FOXJ3: variants seen among roughly 807,000 people sequenced by gnomAD.
The protein encoded by FOXJ3 is forkhead box J3, also known as forkhead box protein J3.
FOXJ3 carries 22 observed loss-of-function variants against 76.1 expected under a neutral mutation model. The observed-to-expected ratio is 0.29, with a 90% CI of 0.21 to 0.41. The LOEUF is 0.41. Among genes scored for constraint, FOXJ3 ranks in the 10% least tolerant of loss-of-function variants. The pLI is 1.00. For synonymous variants in FOXJ3, 269 were observed against 261.2 expected, an observed-to-expected ratio of 1.03 and a Z score of -0.29; for missense variants, 613 against 762.1, an observed-to-expected ratio of 0.80 and a Z score of 2.30.
rs551765267 is a variant in FOXJ3, at chr1:42,274,931, C to T, written c.369+3417G>A. ...GGTCCAAGGAGAAATAAGAAAAAAACAAAAGCAAGAAGGAAATAGATGTGC... is the reference window on the plus strand; with the variant it reads ...GGTCCAAGGAGAAATAAGAAAAAAATAAAAGCAAGAAGGAAATAGATGTGC... On this transcript the variant is annotated intron_variant, in intron 3 of 12. Coordinates refer to ENST00000361346, the MANE Select transcript of FOXJ3 (RefSeq NM_014947.5). Among the ~76,000 whole-genome samples, 5 of 150,366 alleles carry T rather than the reference C, an allele frequency of 3.3e-5. No individual in the cohort carries two copies. The South Asian group carries it at 1.1e-3, about 32-fold the overall frequency.
intron 2 of FOXJ3, among the ~76,000 whole-genome samples, chr1:42,284,813 T>C (rs1365674530): frequency 6.6e-6 from 1 of 152,230 alleles, no homozygotes; most frequent in East Asian, 1.9e-4. Context: ...AAATTTAGCA[T>C]TTCCTTTAAC....
At chr1:42,245,578 C>A (rs994686187) in intron 4 of FOXJ3, among the ~76,000 whole-genome samples, 2 of 152,130 alleles carry the variant, frequency 1.3e-5, no homozygotes, top group African/African-American at 4.8e-5. Context: ...ATCATATGAT[C>A]ATTTCAAGAG....
chr1:42,218,988 C>T lies in FOXJ3; in HGVS notation c.528+8895G>A, dbSNP rs992163529. Among the ~76,000 whole-genome samples the T allele has an allele frequency of 3.9e-5, 6 of 152,340 alleles. No homozygotes were observed. In the East Asian group the frequency reaches 1.2e-3, roughly 29 times the overall value. On this transcript the variant is annotated intron_variant, in intron 5 of 12. Transcript: ENST00000361346. ...CACTTACATTTATATAAAGAAACTA[C>T]AGCCAGAAAAATTAATACATATTCT...
intron 4 of FOXJ3, among the ~76,000 whole-genome samples, chr1:42,248,735 T>C (rs985003879): frequency 7.0e-5 from 10 of 143,758 alleles, no homozygotes; most frequent in East Asian, 2.0e-4. Flanking sequence ...TTTTTCTTTT[T>C]TTTTTTTTTT....
intron 1 of FOXJ3, among the ~76,000 whole-genome samples, chr1:42,328,217 G>A (rs1053024506): frequency 3.9e-4 from 60 of 152,288 alleles, no homozygotes; most frequent in African/African-American, 1.4e-3. Flanking sequence ...GATCGCTTGA[G>A]CCCTGCAGTT....
At position 42,200,198 on chromosome 1, in the gene FOXJ3, A is replaced by T. The variant is rs117172409; in HGVS notation, c.631-968T>A. 8.1e-4 allele frequency among the ~76,000 whole-genome samples: 123 copies of T among 152,278 alleles called. No homozygotes were observed. In the East Asian group the frequency reaches 0.023, roughly 28 times the overall value. ...TAGAAGCTCATGTACTCTCCCATTC[A>T]TCATGCACGTAAGTCATTATCCATC... is the stretch of plus-strand genomic sequence containing the variant. On this transcript the variant is annotated intron_variant, in intron 6 of 12. Coordinates refer to ENST00000361346, the MANE Select transcript of FOXJ3 (RefSeq NM_014947.5).
In FOXJ3 at chr1:42,199,233, A is replaced by G; in HGVS notation, c.631-3T>C. Reference sequence around the variant, plus strand: ...TGATCAGTGTTATACAATGTTACCTAAAATGAAAAAAGAAAAATGACAATT... The same window carrying G: ...TGATCAGTGTTATACAATGTTACCTGAAATGAAAAAAGAAAAATGACAATT... On this transcript the variant is annotated splice_region_variant and splice_polypyrimidine_tract_variant and intron_variant, in intron 6 of 12. Transcript: ENST00000361346. 1 of 1,608,982 alleles carries G rather than the reference A, an allele frequency of 6.2e-7. No individual in the cohort carries two copies. The highest frequency in any genetic ancestry group is 8.5e-7 in the Non-Finnish European group (1 of 1,176,558).
chr1:42,214,555 G>T (rs750792377), intron 5 of FOXJ3, among the ~76,000 whole-genome samples: 2 of 152,112 alleles, frequency 1.3e-5, no homozygotes, highest in Non-Finnish European at 2.9e-5. Flanking sequence ...ACCTTCTGCT[G>T]ATAACTATAA....
chr1:42,311,146 C>A, intron 1 of FOXJ3, 36 bp from the exon 2 acceptor site: 1 of 1,342,516 alleles, frequency 7.4e-7, no homozygotes. Flanking sequence ...TCAGATACTG[C>A]AAAGTAAATT....
intron 2 of FOXJ3, chr1:42,280,466 A>AAAAC (rs1652626843): frequency 2.2e-6 from 2 of 925,154 alleles, no homozygotes; most frequent in Non-Finnish European, 2.6e-6. Flanking sequence ...AAAAAAAAAA[A>AAAAC]CTTACTATCC....
intron 4 of FOXJ3, among the ~76,000 whole-genome samples, chr1:42,259,382 A>T (rs747772880): frequency 1.2e-4 from 18 of 152,158 alleles, no homozygotes; most frequent in Admixed American, 3.3e-4. Flanking sequence ...AATTTTTTTT[A>T]AATTTCTAGG....
At chr1:42,308,241 C>A (rs537492742) in intron 2 of FOXJ3, among the ~76,000 whole-genome samples, 1 of 152,200 alleles carries the variant, frequency 6.6e-6, no homozygotes, top group African/African-American at 2.4e-5. Flanking sequence ...GTAGTATATA[C>A]GAGAGAGAAG....
chr1:42,333,923 AGAAG>A (rs1056685086), intron 1 of FOXJ3, among the ~76,000 whole-genome samples: 6 of 152,228 alleles, frequency 3.9e-5, no homozygotes, highest in Non-Finnish European at 5.9e-5. Context: ...GAAACAAAAT[AGAAG>A]GAAGAAAACA....
intron 5 of FOXJ3, among the ~76,000 whole-genome samples, chr1:42,213,347 G>A (rs1190642451): frequency 1.3e-5 from 2 of 151,748 alleles, no homozygotes; most frequent in Non-Finnish European, 2.9e-5. Flanking sequence ...TACCTAACAT[G>A]TAAGGATTCT....
intron 3 of FOXJ3, among the ~76,000 whole-genome samples, chr1:42,269,070 T>C (rs1651681731): frequency 6.6e-6 from 1 of 152,128 alleles, no homozygotes; most frequent in African/African-American, 2.4e-5. Context: ...AGCCCCCCAC[T>C]CTAGGTTTTT....
At chr1:42,274,606 T>C (rs544555335) in intron 3 of FOXJ3, among the ~76,000 whole-genome samples, 5 of 152,276 alleles carry the variant, frequency 3.3e-5, no homozygotes, top group Admixed American at 6.5e-5. Flanking sequence ...TGGAAAATAA[T>C]AGTACCTACT....
chr1:42,278,523 G>A lies in FOXJ3; in HGVS notation c.194C>T (p.Thr65Ile), dbSNP rs1652460562. The A allele has an allele frequency of 1.2e-6, 2 of 1,614,066 alleles. No homozygotes were observed. The highest frequency in any genetic ancestry group is 1.7e-5 in the Admixed American group (1 of 60,010). The part of the protein sequence containing the change: ...KKNALLDPNT[T>I]LDQEEVQQHK... ...CTGTTGGACTTCTTCCTGGTCCAGAGTTGTATTTGGGTCAAGGAGTGCATT... is the reference window on the plus strand; with the variant it reads ...CTGTTGGACTTCTTCCTGGTCCAGAATTGTATTTGGGTCAAGGAGTGCATT... Residue 65 changes from threonine to isoleucine, a missense_variant, in exon 3 of 13, where the codon ACT becomes ATT. Transcript: ENST00000361346.
rs1261983530 is a variant in FOXJ3 at position 42,278,583 on chromosome 1, G to T, written c.134C>A (p.Thr45Lys). ...AATTCCTGTTCCATGTGCATTTTGT[G>T]TAGCATCAGATTTTTGGATGGCTGC... is the stretch of plus-strand genomic sequence containing the variant. ...MRAAIQKSDA[T>K]QNAHGTGISK... Residue 45 changes from threonine to lysine, a missense_variant, in exon 3 of 13, where the codon ACA (threonine) becomes AAA (lysine). Around this residue, in one of 3 missense-constraint regions of FOXJ3, gnomAD observed 77 missense variants for 115.1 expected, o/e 0.67. Transcript: ENST00000361346. 1 of 1,614,138 alleles carries T rather than the reference G, an allele frequency of 6.2e-7. No individual in the cohort carries two copies. The highest frequency in any genetic ancestry group is 1.3e-5 in the African/African-American group (1 of 75,040).
chr1:42,191,742 T>C (rs1451354231), intron 8 of FOXJ3, 23 bp from the exon 9 acceptor site: 2 of 1,599,074 alleles, frequency 1.3e-6, no homozygotes, highest in South Asian at 2.2e-5. Context: ...CAAGATCATT[T>C]ATGGTCAGAT....
Sources: gnomAD v4.1 joint callset for allele counts (sites outside exome capture counted in the v4.1 genomes callset) on GRCh38, gnomAD v4.1.1 for gene constraint, gnomAD v4.1.1 regional missense constraint, MANE v1.5 for transcripts, NCBI Gene and HGNC (gene_info 2026-07-23, HGNC 2026-07-21) for gene names.